ZDHHC14: variants seen among roughly 807,000 people sequenced by gnomAD.
ZDHHC14 encodes palmitoyltransferase ZDHHC14.
A neutral mutation model predicts 47.7 loss-of-function variants in ZDHHC14; 16 were observed. The observed-to-expected ratio is 0.34, with a 90% CI of 0.23 to 0.51. The LOEUF (loss-of-function observed/expected upper bound fraction) is 0.51, where lower values mean the gene tolerates loss of function less well. Among genes scored for constraint, ZDHHC14 ranks in the 20% least tolerant of loss-of-function variants. The pLI is 0.97. For synonymous variants in ZDHHC14, 293 were observed against 278.9 expected, an observed-to-expected ratio of 1.05 and a Z score of -0.50; for missense variants, 515 against 662.5, an observed-to-expected ratio of 0.78 and a Z score of 2.44.
At chr6:157,584,899 A>G (rs1783632436) in intron 2 of ZDHHC14, among the ~76,000 whole-genome samples, 1 of 152,134 alleles carries the variant, frequency 6.6e-6, no homozygotes, top group Non-Finnish European at 1.5e-5. Flanking sequence ...GTGTATAAAA[A>G]TCTCCTTGAA....
chr6:157,638,508 AG>A (rs1777090446), intron 5 of ZDHHC14, among the ~76,000 whole-genome samples: 2 of 152,016 alleles, frequency 1.3e-5, no homozygotes, highest in African/African-American at 4.8e-5. Context: ...AAAAAAAAAA[AG>A]GGACTGGGCC....
At chr6:157,529,639 G>C (rs1364673456) in intron 1 of ZDHHC14, among the ~76,000 whole-genome samples, 1 of 152,174 alleles carries the variant, frequency 6.6e-6, no homozygotes, top group Non-Finnish European at 1.5e-5. Flanking sequence ...CCCCAGACTG[G>C]ACAAGGCACC....
intron 1 of ZDHHC14, among the ~76,000 whole-genome samples, chr6:157,414,952 A>G (rs915166703): frequency 6.6e-6 from 1 of 151,148 alleles, no homozygotes; most frequent in Admixed American, 6.6e-5. Flanking sequence ...GGATCTTCGT[A>G]ACTCTCATAC....
intron 1 of ZDHHC14, among the ~76,000 whole-genome samples, chr6:157,462,019 C>T (rs1254937273): frequency 6.6e-6 from 1 of 152,194 alleles, no homozygotes; most frequent in African/African-American, 2.4e-5. Context: ...TATCATGCGA[C>T]GGTGGCACCA....
intron 1 of ZDHHC14, among the ~76,000 whole-genome samples, chr6:157,426,884 C>T (rs1315958920): frequency 6.6e-6 from 1 of 152,210 alleles, no homozygotes; most frequent in African/African-American, 2.4e-5. Flanking sequence ...ACGGAGACTT[C>T]ATTGTAGTGG....
chr6:157,591,263 CA>C (rs1448325881), intron 2 of ZDHHC14, among the ~76,000 whole-genome samples: 11 of 152,088 alleles, frequency 7.2e-5, no homozygotes, highest in African/African-American at 2.2e-4. Flanking sequence ...TGGGAGGGGC[CA>C]GGGGCAGAAT....
At chr6:157,599,024 G>T (rs2114903559) in intron 3 of ZDHHC14, among the ~76,000 whole-genome samples, 1 of 152,244 alleles carries the variant, frequency 6.6e-6, no homozygotes, top group East Asian at 1.9e-4. Context: ...TTGTAAAGAA[G>T]CTTTTTAAAG....
At chr6:157,447,858 G>A (rs1778716890) in intron 1 of ZDHHC14, among the ~76,000 whole-genome samples, 1 of 152,108 alleles carries the variant, frequency 6.6e-6, no homozygotes, top group Non-Finnish European at 1.5e-5. Context: ...GCTCTTGTCA[G>A]CGGTGTTTAA....
chr6:157,433,650 G>T (rs1282880402), intron 1 of ZDHHC14, among the ~76,000 whole-genome samples: 2 of 144,812 alleles, frequency 1.4e-5, no homozygotes, highest in African/African-American at 5.0e-5. Context: ...TTGTGTGACT[G>T]TGGTACTCTG....
chr6:157,671,943 C>T (rs1778816436), intron 8 of ZDHHC14, among the ~76,000 whole-genome samples: 1 of 152,178 alleles, frequency 6.6e-6, no homozygotes, highest in Admixed American at 6.5e-5. Flanking sequence ...CCACTACCAC[C>T]CATCTCCAGG....
intron 1 of ZDHHC14, among the ~76,000 whole-genome samples, chr6:157,453,314 A>G (rs1778844494): frequency 6.6e-6 from 1 of 152,214 alleles, no homozygotes; most frequent in Non-Finnish European, 1.5e-5. Context: ...CAGGGTATCA[A>G]TACCCAAAAA....
At chr6:157,542,549 T>C in intron 1 of ZDHHC14, 36 bp from the exon 2 acceptor site, 1 of 1,599,180 alleles carries the variant, frequency 6.3e-7, no homozygotes. Context: ...TTCCTTTCTT[T>C]TCCCCTTCTC....
At chr6:157,663,921 C>T (rs141234896) in intron 8 of ZDHHC14, among the ~76,000 whole-genome samples, 167 of 152,292 alleles carry the variant, frequency 1.1e-3, no homozygotes, top group African/African-American at 3.6e-3. Context: ...TTAACAAAAC[C>T]GGAGGAGGGA....
chr6:157,476,468 A>C (rs1377635704), intron 1 of ZDHHC14, among the ~76,000 whole-genome samples: 1 of 152,206 alleles, frequency 6.6e-6, no homozygotes, highest in South Asian at 2.1e-4. Flanking sequence ...GCTGAATTCT[A>C]CCTAACATTT....
rs376223867 is a variant in ZDHHC14, at chr6:157,670,500, C to T, written c.1069-2224C>T. ...GTAGAGATGAGGTTTTGCCATGTTG[C>T]CCAAGCTGGTCTCGAACTCCTGAGC... On this transcript the variant is annotated intron_variant, in intron 8 of 8. Coordinates refer to ENST00000359775, the MANE Select transcript of ZDHHC14 (RefSeq NM_024630.3). Among the ~76,000 whole-genome samples the T allele has an allele frequency of 7.6e-4, 115 of 152,186 alleles. 1 individual carries two copies. Among genetic ancestry groups the T allele is most frequent in the African/African-American group, 2.6e-3 (110 of 41,520 alleles).
At position 157,425,188 on chromosome 6, in the gene ZDHHC14, T is replaced by C. The variant is rs932797258; in HGVS notation, c.245+42922T>C. On this transcript the variant is annotated intron_variant, in intron 1 of 8. Transcript: ENST00000359775. ...TCATAAGGATCTTGTACAACTCTTG[T>C]TTCATTTACTGTTAATTTCACCCTC... Among the ~76,000 whole-genome samples, 4 of 152,332 alleles carry C rather than the reference T, an allele frequency of 2.6e-5. No homozygotes were observed. The South Asian group carries it at 6.2e-4, about 24-fold the overall frequency.
intron 1 of ZDHHC14, among the ~76,000 whole-genome samples, chr6:157,541,716 C>T (rs1781772313): frequency 6.6e-6 from 1 of 152,202 alleles, no homozygotes; most frequent in Non-Finnish European, 1.5e-5. Context: ...CATCAAGGGG[C>T]CACGGTAAGA....
intron 1 of ZDHHC14, among the ~76,000 whole-genome samples, chr6:157,408,334 C>G (rs890652607): frequency 6.6e-6 from 1 of 151,876 alleles, no homozygotes; most frequent in African/African-American, 2.4e-5. Flanking sequence ...GGTACATGTG[C>G]AGGATGTGCA....
At position 157,599,963 on chromosome 6, in the gene ZDHHC14, A is replaced by G. The variant is rs928994085; in HGVS notation, c.565+6817A>G. On this transcript the variant is annotated intron_variant, in intron 3 of 8. Coordinates refer to ENST00000359775, the MANE Select transcript of ZDHHC14 (RefSeq NM_024630.3). ...ATTTGAAAAATCTCAGTGAAACATG[A>G]TTGTATAGGAAAATGGGCCAAGGAG... Among the ~76,000 whole-genome samples the G allele has an allele frequency of 5.3e-5, 8 of 152,236 alleles. No homozygotes were observed. In the East Asian group the frequency reaches 7.7e-4, roughly 15 times the overall value.
Sources: allele counts gnomAD v4.1 joint callset (sites outside exome capture counted in the v4.1 genomes callset), GRCh38; gene constraint gnomAD v4.1.1; transcripts MANE v1.5; gene names NCBI Gene and HGNC (gene_info 2026-07-23, HGNC 2026-07-21).